The following SULT1E1 variants were observed in gnomAD, a reference collection of about 807,000 sequenced individuals.
SULT1E1 encodes the protein sulfotransferase family 1E member 1.
Under a neutral mutation model 33.6 loss-of-function variants are expected in SULT1E1, and 36 were observed. The ratio of observed to expected loss-of-function variants is 1.07; its 90% CI spans 0.82 to 1.41. The LOEUF (loss-of-function observed/expected upper bound fraction) is 1.41, where lower values mean the gene tolerates loss of function less well. SULT1E1 is among the 40% of genes most tolerant of loss of function. SULT1E1 has a pLI of 0.00. For synonymous variants in SULT1E1, 121 were observed against 111.7 expected (o/e 1.08, Z -0.53); for missense variants, 371 against 345.7 (o/e 1.07, Z -0.58).
At position 69,846,653 on chromosome 4, in the gene SULT1E1, T is replaced by A. The variant is rs377725868; in HGVS notation, c.591+1045A>T. On this transcript the variant is annotated intron_variant, in intron 6 of 7. Coordinates refer to ENST00000226444, the MANE Select transcript of SULT1E1 (RefSeq NM_005420.3). ...TGTCTAAGAGTAGAATTTCAGGGTC[T>A]TAAACTATGTGCATGTTTGCCTTTG... is the stretch of plus-strand genomic sequence containing the variant. 5.0e-4 allele frequency among the ~76,000 whole-genome samples: 76 copies of A among 151,848 alleles called. 1 individual carries two copies. The South Asian group carries it at 0.016, about 31-fold the overall frequency.
chr4:69,859,687 C>G (rs528955081), intron 1 of SULT1E1, among the ~76,000 whole-genome samples: 1 of 152,158 alleles, frequency 6.6e-6, no homozygotes, highest in East Asian at 1.9e-4. Context: ...GACCCCTTAT[C>G]ACAGGAACAC....
the SULT1E1 span, among the ~76,000 whole-genome samples, chr4:69,826,492 G>C: frequency 0.31 from 47,444 of 151,952 alleles, 8,261 homozygotes; most frequent in South Asian, 0.53. Context: ...CCGATCAGCA[G>C]GGTCCAGGGA....
chr4:69,833,177 A>C, the SULT1E1 span, among the ~76,000 whole-genome samples: 1 of 152,156 alleles, frequency 6.6e-6, no homozygotes, highest in Non-Finnish European at 1.5e-5. Context: ...TGGTTTCCTC[A>C]TCTAAAACAT....
intron 2 of SULT1E1, among the ~76,000 whole-genome samples, chr4:69,856,731 G>C (rs1578107180): frequency 6.6e-6 from 1 of 151,982 alleles, no homozygotes; most frequent in Admixed American, 6.5e-5. Flanking sequence ...TCAGGAGATC[G>C]AGACCATCCT....
At chr4:69,838,031 G>A (rs1199314012), downstream of SULT1E1, among the ~76,000 whole-genome samples, 1 of 152,040 alleles carries the variant, frequency 6.6e-6, no homozygotes, top group Admixed American at 6.6e-5. Flanking sequence ...TGAGGAAATG[G>A]CCATTCCTTC....
rs1387681790 is a variant in SULT1E1, at chr4:69,854,134, TA to T, written c.369+82del. The T allele has an allele frequency of 2.8e-5, 25 of 881,288 alleles. No homozygotes were observed. In the Admixed American group the frequency reaches 3.0e-4, roughly 11 times the overall value. The allele number at this position is 881,288 out of a possible 1,614,324, so 54.6% of individuals were successfully genotyped here. On this transcript the variant is annotated intron_variant, in intron 4 of 7. Coordinates refer to ENST00000226444, the MANE Select transcript of SULT1E1 (RefSeq NM_005420.3). The stretch of plus-strand genomic sequence containing the variant: ...TCTATAGATTCAATGAAAGAATAAA[TA>T]AACAAGTGTGTATAACTGATGAGAT...
At chr4:69,846,305 C>CAAAAAAAAAAAAAAAAATA (rs34408656) in intron 6 of SULT1E1, among the ~76,000 whole-genome samples, 1 of 107,036 alleles carries the variant, frequency 9.3e-6, no homozygotes, top group Non-Finnish European at 1.9e-5. Flanking sequence ...ACAAAACAAT[C>CAAAAAAAAAAAAAAAAATA]AAAAAAAAAA....
At chr4:69,830,648 C>T in the SULT1E1 span, among the ~76,000 whole-genome samples, 8 of 152,164 alleles carry the variant, frequency 5.3e-5, no homozygotes, top group South Asian at 4.1e-4. Context: ...ACTGGCCCTG[C>T]GCATATGCCT....
At chr4:69,851,438 C>T (rs1354460209) in intron 4 of SULT1E1, among the ~76,000 whole-genome samples, 1 of 152,130 alleles carries the variant, frequency 6.6e-6, no homozygotes, top group Admixed American at 6.5e-5. Context: ...CGTCTCACAC[C>T]AGTTAGAATG....
rs754969833 is a variant in SULT1E1, at chr4:69,844,229, G to C, written c.704C>G (p.Pro235Arg). The change falls in exon 7 of 8, where the codon CCA (proline) becomes CGA (arginine). Residue 235 changes from proline (P) to arginine (R), a missense_variant. Transcript: ENST00000226444. Reference sequence around the variant, plus strand: ...TGGCAGTGTTGTGTAATTTGTGGATGGATTGTTCTTCATCTCTTGGAACGA... The same window carrying C: ...TGGCAGTGTTGTGTAATTTGTGGATCGATTGTTCTTCATCTCTTGGAACGA... ...HTSFQEMKNN[P>R]STNYTTLPDE... 5 of 1,613,872 alleles carry C rather than the reference G, an allele frequency of 3.1e-6. No individual in the cohort carries two copies. The Admixed American group carries it at 6.7e-5, about 22-fold the overall frequency.
intron 7 of SULT1E1, among the ~76,000 whole-genome samples, 175 bp from the exon 8 acceptor site, chr4:69,842,281 T>C (rs1720899081): frequency 6.6e-6 from 1 of 152,216 alleles, no homozygotes; most frequent in South Asian, 2.1e-4. Context: ...AAAGATGGAT[T>C]TGTCCTAATT....
chr4:69,855,753 G>A (rs1721220008), intron 2 of SULT1E1, among the ~76,000 whole-genome samples: 2 of 152,140 alleles, frequency 1.3e-5, no homozygotes, highest in African/African-American at 4.8e-5. Context: ...ACTTGAATAA[G>A]CATGCTTCCA....
At chr4:69,821,901 T>A in the SULT1E1 span, among the ~76,000 whole-genome samples, 1 of 152,220 alleles carries the variant, frequency 6.6e-6, no homozygotes, top group South Asian at 2.1e-4. Context: ...CATTGAGGTT[T>A]GATAATTAAA....
the SULT1E1 span, among the ~76,000 whole-genome samples, chr4:69,832,253 G>A: frequency 6.6e-6 from 1 of 152,180 alleles, no homozygotes; most frequent in Admixed American, 6.5e-5. Flanking sequence ...CTCCCCTTCA[G>A]GTTGAGGTTC....
At chr4:69,855,232 T>C (rs1164910741) in intron 3 of SULT1E1, 69 bp downstream of exon 3, 1 of 1,484,728 alleles carries the variant, frequency 6.7e-7, no homozygotes, top group Non-Finnish European at 9.1e-7. Flanking sequence ...ATAATCTCAT[T>C]GCTTGTACCA....
the SULT1E1 span, among the ~76,000 whole-genome samples, chr4:69,829,831 C>T: frequency 6.6e-6 from 1 of 152,192 alleles, no homozygotes; most frequent in East Asian, 1.9e-4. Context: ...ACCAAATGCT[C>T]AGCCCCAGTA....
intron 4 of SULT1E1, among the ~76,000 whole-genome samples, chr4:69,851,267 C>T (rs1486853826): frequency 1.3e-5 from 2 of 151,948 alleles, no homozygotes; most frequent in Non-Finnish European, 2.9e-5. Context: ...AAAACTCAAA[C>T]AAATTTACAA....
intron 2 of SULT1E1, among the ~76,000 whole-genome samples, 179 bp downstream of exon 2, chr4:69,857,321 C>G (rs192819525): frequency 3.9e-5 from 6 of 152,138 alleles, no homozygotes; most frequent in Admixed American, 6.6e-5. Flanking sequence ...ATGTACTATT[C>G]AAGTTACAGG....
At chr4:69,857,755 T>C in intron 1 of SULT1E1, 102 bp from the exon 2 acceptor site, 2 of 1,102,802 alleles carry the variant, frequency 1.8e-6, no homozygotes, top group African/African-American at 1.6e-5. Flanking sequence ...TAGCACTTCT[T>C]AGTTGTTGCA....
Sources: gnomAD v4.1 joint callset for allele counts (sites outside exome capture counted in the v4.1 genomes callset) on GRCh38, gnomAD v4.1.1 for gene constraint, MANE v1.5 for transcripts, NCBI Gene and HGNC (gene_info 2026-07-23, HGNC 2026-07-21) for gene names.